The following RBFOX2 variants were observed in gnomAD, a reference collection of about 807,000 sequenced individuals.
RBFOX2 encodes RNA binding protein fox-1 homolog 2.
Under a neutral mutation model 49.1 loss-of-function variants are expected in RBFOX2, and 10 were observed. The ratio of observed to expected loss-of-function variants is 0.20; its 90% confidence interval spans 0.13 to 0.35. The LOEUF (loss-of-function observed/expected upper bound fraction) is 0.35, where lower values mean the gene tolerates loss of function less well. Among genes scored for constraint, RBFOX2 ranks in the 10% least tolerant of loss-of-function variants. RBFOX2 has a pLI of 1.00. For synonymous variants in RBFOX2, 183 were observed against 187.4 expected, an observed-to-expected ratio of 0.98 and a Z score of 0.19; for missense variants, 323 against 486.9, an observed-to-expected ratio of 0.66 and a Z score of 3.17.
At chr22:35,819,989 C>CA (rs775315091) in intron 1 of RBFOX2, among the ~76,000 whole-genome samples, 18 of 152,204 alleles carry the variant, frequency 1.2e-4, no homozygotes, top group Non-Finnish European at 2.5e-4. Context: ...GTCCCACAGG[C>CA]AAAAATACAA....
At chr22:35,926,115 CTTAA>C (rs1451824560) in intron 1 of RBFOX2, among the ~76,000 whole-genome samples, 1 of 152,222 alleles carries the variant, frequency 6.6e-6, no homozygotes, top group Non-Finnish European at 1.5e-5. Flanking sequence ...TTACCTTATA[CTTAA>C]TTAGTTGGTT....
chr22:35,793,275 A>G (rs1490467572), intron 2 of RBFOX2, among the ~76,000 whole-genome samples: 1 of 152,212 alleles, frequency 6.6e-6, no homozygotes, highest in Non-Finnish European at 1.5e-5. Flanking sequence ...TTGGAGGCTG[A>G]GGCAGGAGAA....
intron 11 of RBFOX2, among the ~76,000 whole-genome samples, chr22:35,745,186 G>A (rs1173473506): frequency 6.6e-6 from 1 of 152,116 alleles, no homozygotes; most frequent in African/African-American, 2.4e-5. Context: ...ATGTCCAGAG[G>A]TAGTTGCCCA....
chr22:35,868,816 AAAC>A (rs1306516695), intron 1 of RBFOX2, among the ~76,000 whole-genome samples: 2 of 152,172 alleles, frequency 1.3e-5, no homozygotes, highest in African/African-American at 4.8e-5. Context: ...AAAGATTAAG[AAAC>A]AACAGGCCAG....
intron 2 of RBFOX2, among the ~76,000 whole-genome samples, chr22:35,807,434 A>G (rs73413809): frequency 0.048 from 7,357 of 152,166 alleles, 607 homozygotes; most frequent in African/African-American, 0.16. Context: ...ATAAATCAAT[A>G]AAAGAAAGAA....
intron 1 of RBFOX2, among the ~76,000 whole-genome samples, chr22:35,945,997 C>G (rs1417795646): frequency 1.3e-5 from 2 of 152,150 alleles, no homozygotes; most frequent in Non-Finnish European, 2.9e-5. Context: ...TACCGCTCCC[C>G]CCTTTTTTTT....
rs1751613893 is a variant in RBFOX2 at position 35,822,052 on chromosome 22, T to C, written c.28-12048A>G. The C allele has an allele frequency of 8.3e-6, 4 of 481,006 alleles. No homozygotes were observed. In the Admixed American group the frequency reaches 8.9e-5, roughly 11 times the overall value. The allele number at this position is 481,006 out of a possible 1,614,324, so 29.8% of individuals were successfully genotyped here. On this transcript the variant is annotated intron_variant, in intron 1 of 11. Coordinates refer to ENST00000405409, the Ensembl canonical transcript of RBFOX2. ...ATTACAAAGAGAGGGCCAGCCTTTCTGCCTTGTCTCACTCTTCTTTCCCTC... is the reference window on the plus strand; with the variant it reads ...ATTACAAAGAGAGGGCCAGCCTTTCCGCCTTGTCTCACTCTTCTTTCCCTC...
At chr22:35,754,217 G>C (rs949373175) in intron 9 of RBFOX2, among the ~76,000 whole-genome samples, 4 of 149,016 alleles carry the variant, frequency 2.7e-5, no homozygotes, top group Non-Finnish European at 4.4e-5. Flanking sequence ...TCAGCCTCCC[G>C]AGTAGCTGGG....
chr22:35,931,364 C>T (rs907768168), intron 1 of RBFOX2, among the ~76,000 whole-genome samples: 6 of 150,208 alleles, frequency 4.0e-5, no homozygotes, highest in South Asian at 2.1e-4. Flanking sequence ...TTATAGATTG[C>T]GAGATACAGA....
At position 35,764,304 on chromosome 22, in the gene RBFOX2, G is replaced by A. The variant is rs532035945; in HGVS notation, c.607+1119C>T. On this transcript the variant is annotated intron_variant, in intron 6 of 11. Transcript: ENST00000405409. The stretch of plus-strand genomic sequence containing the variant: ...TCAAACTTTTTAAAAAAACAGCAGA[G>A]CCAGGCATGGTGGCTCACGCCTGTA... Among the ~76,000 whole-genome samples the A allele has an allele frequency of 1.2e-4, 19 of 152,194 alleles. No individual in the cohort carries two copies. In the East Asian group the frequency reaches 3.7e-3, roughly 29 times the overall value.
intron 1 of RBFOX2, among the ~76,000 whole-genome samples, chr22:35,884,712 G>A (rs1603435686): frequency 1.3e-5 from 2 of 152,194 alleles, no homozygotes; most frequent in South Asian, 2.1e-4. Flanking sequence ...TGAGTCACTA[G>A]GTCCAGCCTA....
chr22:36,019,664 C>G (rs2059169509), intron 1 of RBFOX2, among the ~76,000 whole-genome samples: 1 of 152,138 alleles, frequency 6.6e-6, no homozygotes, highest in South Asian at 2.1e-4. Flanking sequence ...AAATGAGAAG[C>G]TCTAAATGGT....
intron 1 of RBFOX2, among the ~76,000 whole-genome samples, chr22:35,814,823 G>C (rs1176639187): frequency 6.6e-6 from 1 of 151,884 alleles, no homozygotes; most frequent in Non-Finnish European, 1.5e-5. Context: ...GGGAGGCCAA[G>C]GAGGGAGGAT....
chr22:35,852,063 A>AT (rs557841442), intron 1 of RBFOX2, among the ~76,000 whole-genome samples: 57 of 97,284 alleles, frequency 5.9e-4, no homozygotes, highest in African/African-American at 4.5e-3. Context: ...GAAAAGCAAT[A>AT]AAAAAAACCC....
chr22:35,959,573 G>GTAGATTCTGATTCAGTAGGTC (rs1292797479), intron 1 of RBFOX2, among the ~76,000 whole-genome samples: 5 of 152,220 alleles, frequency 3.3e-5, no homozygotes, highest in Non-Finnish European at 1.5e-5. Flanking sequence ...TTGTTAAAAT[G>GTAGATTCTGATTCAGTAGGTC]TAGATTCTGA....
At position 35,761,398 on chromosome 22, in the gene RBFOX2, A is replaced by G; in HGVS notation, c.661+17T>C. 6.2e-7 allele frequency: 1 copy of G among 1,613,946 alleles called. No homozygotes were observed. The highest frequency in any genetic ancestry group is 8.5e-7 in the Non-Finnish European group (1 of 1,179,782). ...ACAATTAAATAGCACAAGTGGAAAC[A>G]TTTACTTAAATACTACCTGCATATA... On this transcript the variant is annotated intron_variant, in intron 7 of 11. Coordinates refer to ENST00000405409, the Ensembl canonical transcript of RBFOX2.
intron 1 of RBFOX2, among the ~76,000 whole-genome samples, chr22:35,968,684 C>T (rs1431821650): frequency 6.6e-6 from 1 of 152,180 alleles, no homozygotes; most frequent in East Asian, 1.9e-4. Context: ...TTCATTCATT[C>T]AACAAACTTT....
At chr22:35,868,846 G>A (rs912266190) in intron 1 of RBFOX2, among the ~76,000 whole-genome samples, 2 of 152,188 alleles carry the variant, frequency 1.3e-5, no homozygotes, top group Non-Finnish European at 2.9e-5. Flanking sequence ...ACAAGGTCAT[G>A]AGACAATTCC....
intron 1 of RBFOX2, among the ~76,000 whole-genome samples, chr22:36,007,037 AAGGGAG>A (rs1178660475): frequency 6.6e-6 from 1 of 152,218 alleles, no homozygotes; most frequent in Non-Finnish European, 1.5e-5. Flanking sequence ...TCTTAAGAAC[AAGGGAG>A]AGGCTTATGG....
Sources: allele counts gnomAD v4.1 joint callset (sites outside exome capture counted in the v4.1 genomes callset), GRCh38; gene constraint gnomAD v4.1.1; transcripts MANE v1.5; gene names NCBI Gene and HGNC (gene_info 2026-07-23, HGNC 2026-07-21).